The following SAMD5 variants were observed in gnomAD, a reference collection of about 807,000 sequenced individuals.
SAMD5 encodes the protein sterile alpha motif domain containing 5.
A neutral mutation model predicts 11.3 loss-of-function variants in SAMD5; 13 were observed. That is an observed-to-expected ratio of 1.15 (90% CI 0.75 to 1.83). The LOEUF (loss-of-function observed/expected upper bound fraction) is 1.83. Ranked by LOEUF, SAMD5 falls within the 40% of genes most tolerant of loss-of-function variation. The pLI, the probability that SAMD5 is intolerant of heterozygous loss-of-function variation, is 0.00. For missense variants in SAMD5, 255 were observed against 239.1 expected (o/e 1.07, Z -0.44); for synonymous variants, 129 against 111.3 (o/e 1.16, Z -1.00).
chr6:147,864,451 A>G, the SAMD5 span, among the ~76,000 whole-genome samples: 124,658 of 152,224 alleles, frequency 0.82, 51,223 homozygotes, highest in African/African-American at 0.88. Context: ...GTCTCTGAGC[A>G]GTGCTCCACA....
the SAMD5 span, among the ~76,000 whole-genome samples, chr6:147,853,780 C>T: frequency 1.3e-5 from 2 of 152,002 alleles, no homozygotes; most frequent in East Asian, 1.9e-4. Context: ...GCTTTATCAT[C>T]GTTAATGAAT....
intron 1 of SAMD5, among the ~76,000 whole-genome samples, chr6:147,581,235 C>G (rs1224865799): frequency 6.6e-6 from 1 of 152,056 alleles, no homozygotes; most frequent in Non-Finnish European, 1.5e-5. Flanking sequence ...AAATCATGTG[C>G]AAGAGAAAGA....
chr6:147,919,103 C>T, the SAMD5 span, among the ~76,000 whole-genome samples: 1 of 152,088 alleles, frequency 6.6e-6, no homozygotes, highest in Non-Finnish European at 1.5e-5. Context: ...AGTTTGGATG[C>T]CTTATCTGTC....
chr6:147,665,459 A>G (rs1227436518), intron 1 of SAMD5, among the ~76,000 whole-genome samples: 1 of 152,222 alleles, frequency 6.6e-6, no homozygotes, highest in Non-Finnish European at 1.5e-5. Context: ...TATAATCAGA[A>G]GAGAAAAAGA....
intron 1 of SAMD5, among the ~76,000 whole-genome samples, chr6:147,684,718 C>T (rs1394670918): frequency 6.6e-6 from 1 of 152,070 alleles, no homozygotes; most frequent in Non-Finnish European, 1.5e-5. Context: ...ACATCTTTTT[C>T]CTATACAGGC....
chr6:147,787,175 T>G, the SAMD5 span, among the ~76,000 whole-genome samples: 1 of 152,286 alleles, frequency 6.6e-6, no homozygotes, highest in African/African-American at 2.4e-5. Flanking sequence ...AAGAGTTTTG[T>G]TACAGAAATC....
chr6:147,856,694 A>C, the SAMD5 span, among the ~76,000 whole-genome samples: 1 of 152,138 alleles, frequency 6.6e-6, no homozygotes, highest in Admixed American at 6.6e-5. Flanking sequence ...AAAGGATCCA[A>C]AGCTGGCTTA....
At chr6:147,801,837 A>C in the SAMD5 span, among the ~76,000 whole-genome samples, 1 of 152,192 alleles carries the variant, frequency 6.6e-6, no homozygotes, top group Non-Finnish European at 1.5e-5. Flanking sequence ...TTTTTAATCA[A>C]TGGTGTTGGC....
intron 1 of SAMD5, among the ~76,000 whole-genome samples, chr6:147,627,745 C>T (rs1562337239): frequency 1.3e-5 from 2 of 152,120 alleles, no homozygotes; most frequent in Admixed American, 1.3e-4. Flanking sequence ...GTGAAAATTT[C>T]TCTGTATCTG....
the SAMD5 span, chr6:147,947,424 T>C: frequency 1.3e-5 from 2 of 152,370 alleles, no homozygotes; most frequent in Non-Finnish European, 2.9e-5. Flanking sequence ...TGCAATTGCT[T>C]TTAAATGACA....
chr6:147,579,691 A>G (rs1789268504), intron 1 of SAMD5, among the ~76,000 whole-genome samples: 1 of 152,136 alleles, frequency 6.6e-6, no homozygotes, highest in Non-Finnish European at 1.5e-5. Flanking sequence ...TCCTGGCCTC[A>G]GGTGATCCAC....
At chr6:147,839,508 G>C in the SAMD5 span, among the ~76,000 whole-genome samples, 38 of 152,280 alleles carry the variant, frequency 2.5e-4, no homozygotes, top group African/African-American at 5.8e-4. Flanking sequence ...CAGCATTTTG[G>C]GGGGGCTGAG....
chr6:147,894,219 G>T, the SAMD5 span, among the ~76,000 whole-genome samples: 1 of 151,664 alleles, frequency 6.6e-6, no homozygotes, highest in Non-Finnish European at 1.5e-5. Flanking sequence ...CATCCCCCAG[G>T]TTCAAGTGAT....
At chr6:147,926,305 C>T in the SAMD5 span, among the ~76,000 whole-genome samples, 9 of 152,116 alleles carry the variant, frequency 5.9e-5, no homozygotes, top group African/African-American at 1.4e-4. Flanking sequence ...CTCCTGTTGA[C>T]GGTGTATAAG....
Position 147,697,530 on chromosome 6 carries a change from C to T in SAMD5, c.163-39787C>T, listed in dbSNP as rs138898457. 7.3e-3 allele frequency among the ~76,000 whole-genome samples: 1,117 copies of T among 152,162 alleles called. 20 individuals are homozygous for T. Among genetic ancestry groups the T allele is most frequent in the African/African-American group, 0.025 (1,053 of 41,510 alleles). On this transcript the variant is annotated intron_variant, in intron 1 of 1. Coordinates refer to the SAMD5 transcript ENST00000566741. ...ATGTTTCCAGTGGAAAATGTTTCAG[C>T]GTTTTGTTCAGTTTATTACTTATCA...
the SAMD5 span, among the ~76,000 whole-genome samples, chr6:147,802,023 A>C: frequency 5.3e-5 from 8 of 152,200 alleles, no homozygotes; most frequent in Non-Finnish European, 1.2e-4. Context: ...TTCCTAGGGC[A>C]TAGGATTTCT....
At chr6:147,666,518 T>C (rs1215288036) in intron 1 of SAMD5, among the ~76,000 whole-genome samples, 1 of 152,108 alleles carries the variant, frequency 6.6e-6, no homozygotes, top group African/African-American at 2.4e-5. Flanking sequence ...TTGCTTTCCT[T>C]CTCTAGTTTC....
the SAMD5 span, among the ~76,000 whole-genome samples, chr6:147,909,560 T>TTTTCTTTCTTTCTTTCTTTCTTTC: frequency 2.5e-5 from 2 of 78,876 alleles, no homozygotes; most frequent in Non-Finnish European, 4.8e-5. Flanking sequence ...CATCCATCTT[T>TTTTCTTTCTTTCTTTCTTTCTTTC]TTTCTTTCTT....
chr6:147,882,021 G>T, the SAMD5 span, among the ~76,000 whole-genome samples: 3 of 152,104 alleles, frequency 2.0e-5, no homozygotes, highest in Admixed American at 1.3e-4. Context: ...TTTTTCTTCC[G>T]ATGAAAAGGT....
Sources: allele counts gnomAD v4.1 joint callset (sites outside exome capture counted in the v4.1 genomes callset), GRCh38; gene constraint gnomAD v4.1.1; transcripts MANE v1.5; gene names NCBI Gene and HGNC (gene_info 2026-07-23, HGNC 2026-07-21).